The following NSMCE3 variants were observed in gnomAD, a reference collection of about 807,000 sequenced individuals.
NSMCE3 encodes the protein NSE3 component of SMC5/6 complex.
For missense variants in NSMCE3, 452 were observed against 399.5 expected (o/e 1.13, Z -1.12); for synonymous variants, 214 against 172.2 (o/e 1.24, Z -1.90).
In NSMCE3 at chr15:29,269,774, G is replaced by C. The variant is rs572142901; in HGVS notation, c.-69C>G. 75 of 1,373,596 alleles carry C rather than the reference G, an allele frequency of 5.5e-5. No homozygotes were observed. The African/African-American group carries it at 9.7e-4, about 18-fold the overall frequency. The allele number at this position is 1,373,596 out of a possible 1,614,324, so 85.1% of individuals were successfully genotyped here. ...GCCGCGGCGGGGATTGCGGGTCGGC[G>C]ACCCGCTAACGCCGGTGCCTGGAGG... On this transcript the variant is annotated 5_prime_UTR_variant, in exon 1 of 1. Coordinates refer to ENST00000332303, the MANE Select transcript of NSMCE3 (RefSeq NM_138704.4).
In NSMCE3 at chr15:29,268,247, T is replaced by C. The variant is rs1487905911; in HGVS notation, c.*544A>G. ...GTGTTTAGCAGCAGAGCTGAATAAT[T>C]ATGAATATAAACAATTACTATTGGG... On this transcript the variant is annotated 3_prime_UTR_variant, in exon 1 of 1. Coordinates refer to ENST00000332303, the MANE Select transcript of NSMCE3 (RefSeq NM_138704.4). The C allele has an allele frequency of 6.6e-6, 1 of 152,268 alleles. No homozygotes were observed. The highest frequency in any genetic ancestry group is 1.9e-4 in the East Asian group (1 of 5,198). 9.4% of individuals were successfully genotyped at this position (152,268 alleles called of 1,614,324 possible).
In NSMCE3 at chr15:29,268,955, C is replaced by T; in HGVS notation, c.751G>A (p.Gly251Ser). The change falls in exon 1 of 1, where the codon GGC becomes AGC. Residue 251 changes from glycine (G) to serine (S), a missense_variant. Transcript: ENST00000332303. ...TDPVDYEFQW[G>S]PRTNLETSKM... ...CTGGTTTCCAGGTTGGTTCGCGGGC[C>T]CCACTGGAATTCGTAGTCGACGGGG... is the stretch of plus-strand genomic sequence containing the variant. The T allele has an allele frequency of 6.2e-7, 1 of 1,614,182 alleles. No individual in the cohort carries two copies. Among genetic ancestry groups the T allele is most frequent in the Non-Finnish European group, 8.5e-7 (1 of 1,180,044 alleles).
In NSMCE3 at chr15:29,265,145, A is replaced by T. The variant is rs1380690074; in HGVS notation, c.*3646T>A. 2 of 152,240 alleles carry T rather than the reference A, an allele frequency of 1.3e-5. No individual in the cohort carries two copies. The highest frequency in any genetic ancestry group is 4.8e-5 in the African/African-American group (2 of 41,466). 9.4% of individuals were successfully genotyped at this position (152,240 alleles called of 1,614,324 possible). A position where few individuals can be genotyped will look rare whatever the true frequency, so the allele number is the denominator to read the frequency against. On this transcript the variant is annotated 3_prime_UTR_variant, in exon 1 of 1. Transcript: ENST00000332303. The stretch of plus-strand genomic sequence containing the variant: ...CCAATAAAAGGTATTTATAGGGGAA[A>T]AAAACTCTTAACAGCAAACATCACA...
rs767432123 is a variant in NSMCE3 at position 29,269,406 on chromosome 15, G to T, written c.300C>A (p.Asp100Glu). ...SELVQFLLIK[D>E]QKKIPIKRAD... ...CCCGCTTGATCGGAATCTTCTTCTG[G>T]TCTTTAATCAGCAAGAACTGCACCA... The change falls in exon 1 of 1, where the codon GAC becomes GAA. Residue 100 changes from aspartate to glutamate, a missense_variant. By Grantham distance (45) the Asp-to-Glu change is conservative. Transcript: ENST00000332303. 2 of 1,614,152 alleles carry T rather than the reference G, an allele frequency of 1.2e-6. No individual in the cohort carries two copies. The highest frequency in any genetic ancestry group is 1.7e-5 in the Admixed American group (1 of 60,022).
chr15:29,268,817 G>A lies in NSMCE3; in HGVS notation c.889C>T (p.Pro297Ser), dbSNP rs776476342. Reference sequence around the variant, plus strand: ...CAAGAGGATGGAGCTGGGCCACTAGGCTGAGGTCTGGCCCTGTTCTCCTCA... The same window carrying A: ...CAAGAGGATGGAGCTGGGCCACTAGACTGAGGTCTGGCCCTGTTCTCCTCA... Reference protein sequence around the residue: ...ADEENRARPQPSGPAPSS With the variant: ...ADEENRARPQSSGPAPSS Residue 297 changes from proline (P) to serine (S), a missense_variant, in exon 1 of 1, where the codon CCT (proline) becomes TCT (serine). Transcript: ENST00000332303. The A allele has an allele frequency of 5.1e-5, 82 of 1,612,070 alleles. No homozygotes were observed. The highest frequency in any genetic ancestry group is 6.9e-5 in the Non-Finnish European group (81 of 1,178,542).
chr15:29,269,660 C>T lies in NSMCE3; in HGVS notation c.46G>A (p.Glu16Lys). ...CTATGGCTCCAGTCTCTGTCCCTCTCGGCCTGGCCGCCAGAGCGGCCCCGG... is the reference window on the plus strand; with the variant it reads ...CTATGGCTCCAGTCTCTGTCCCTCTTGGCCTGGCCGCCAGAGCGGCCCCGG... Reference protein sequence around the residue: ...RNRGRSGGQAERDRDWSHSGN... With the variant: ...RNRGRSGGQAKRDRDWSHSGN... The change falls in exon 1 of 1, where the codon GAG (glutamate) becomes AAG (lysine). Residue 16 changes from glutamate (E) to lysine (K), a missense_variant. Physicochemically the swap from Glu to Lys is moderately conservative, Grantham distance 56 (BLOSUM62 1). Coordinates refer to ENST00000332303, the MANE Select transcript of NSMCE3 (RefSeq NM_138704.4). 1 of 1,564,042 alleles carries T rather than the reference C, an allele frequency of 6.4e-7. No homozygotes were observed. Among genetic ancestry groups the T allele is most frequent in the Non-Finnish European group, 8.6e-7 (1 of 1,160,486 alleles).
At position 29,268,960 on chromosome 15, in the gene NSMCE3, T is replaced by C; in HGVS notation, c.746A>G (p.Gln249Arg). 1 of 1,614,226 alleles carries C rather than the reference T, an allele frequency of 6.2e-7. No homozygotes were observed. Among genetic ancestry groups the C allele is most frequent in the African/African-American group, 1.3e-5 (1 of 75,058 alleles). The change falls in exon 1 of 1, where the codon CAG becomes CGG. Residue 249 changes from glutamine to arginine, a missense_variant. Coordinates refer to ENST00000332303, the MANE Select transcript of NSMCE3 (RefSeq NM_138704.4). ...PHTDPVDYEF[Q>R]WGPRTNLETS... ...TTCCAGGTTGGTTCGCGGGCCCCAC[T>C]GGAATTCGTAGTCGACGGGGTCGGT...
In NSMCE3 at chr15:29,269,637, A is replaced by G. The variant is rs2043568551; in HGVS notation, c.69T>C (p.His23=). Residue 23 remains histidine (H), a synonymous_variant, in exon 1 of 1, where the codon CAT becomes CAC. Transcript: ENST00000332303. The stretch of plus-strand genomic sequence containing the variant: ...CCCGCGAAGCCCCGGGGTTTCCGCT[A>G]TGGCTCCAGTCTCTGTCCCTCTCGG... The part of the protein sequence containing the change: ...GQAERDRDWS[H]SGNPGASRAG... 6.4e-7 allele frequency: 1 copy of G among 1,574,592 alleles called. No individual in the cohort carries two copies.
rs1444826474 is a variant in NSMCE3 at position 29,268,554 on chromosome 15, T to A, written c.*237A>T. The A allele has an allele frequency of 6.0e-5, 27 of 448,734 alleles. No homozygotes were observed. The highest frequency in any genetic ancestry group is 2.3e-4 in the East Asian group (7 of 30,098). 27.8% of individuals were successfully genotyped at this position (448,734 alleles called of 1,614,324 possible). On this transcript the variant is annotated 3_prime_UTR_variant, in exon 1 of 1. Coordinates refer to ENST00000332303, the MANE Select transcript of NSMCE3 (RefSeq NM_138704.4). The stretch of plus-strand genomic sequence containing the variant: ...AATTCGTTTTACTAAGCTAGCAAAA[T>A]TTTTTATACCAAAAAGAGTAAAATC...
Position 29,269,683 on chromosome 15 carries a change from C to G in NSMCE3, c.23G>C (p.Arg8Pro). MLQKPRN[R>P]GRSGGQAERD... is the part of the protein sequence containing the mutation. ...CTCGGCCTGGCCGCCAGAGCGGCCC[C>G]GGTTCCTCGGTTTTTGCAACATGTC... The change falls in exon 1 of 1, where the codon CGG (arginine) becomes CCG (proline). Residue 8 changes from arginine to proline, a missense_variant. Physicochemically the swap from Arg to Pro is moderately radical, Grantham distance 103. Transcript: ENST00000332303. The G allele has an allele frequency of 2.6e-6, 4 of 1,551,570 alleles. No homozygotes were observed. Among genetic ancestry groups the G allele is most frequent in the East Asian group, 2.6e-5 (1 of 38,120 alleles).
In NSMCE3 at chr15:29,269,436, G is replaced by C. The variant is rs769198016; in HGVS notation, c.270C>G (p.Ser90=). Residue 90 remains serine (S), a synonymous_variant, in exon 1 of 1, where the codon TCC becomes TCG. Transcript: ENST00000332303. ...RSQKQLELKV[S]ELVQFLLIKD... is the part of the protein sequence containing the mutation. ...TAATCAGCAAGAACTGCACCAGCTC[G>C]GACACTTTCAGCTCCAGCTGCTTCT... The C allele has an allele frequency of 1.2e-6, 2 of 1,614,056 alleles. No homozygotes were observed. The highest frequency in any genetic ancestry group is 2.2e-5 in the South Asian group (2 of 91,076).
rs1487925907 is a variant in NSMCE3 at position 29,269,269 on chromosome 15, TCAAGTTC to T, written c.430_436del (p.Glu144AsnfsTer22). 1 of 1,614,124 alleles carries T rather than the reference TCAAGTTC, an allele frequency of 6.2e-7. No individual in the cohort carries two copies. Among genetic ancestry groups the T allele is most frequent in the Admixed American group, 1.7e-5 (1 of 60,022 alleles). On this transcript the variant is annotated frameshift_variant, in exon 1 of 1. Transcript: ENST00000332303. LOFTEE classifies it low-confidence loss of function (END_TRUNC). ...GAGGATGTAAGTGTTGCTCTTGGGT[TCAAGTTC>T]CACCAGCTTATACCCGAAGACGTAC...
rs2043471752 is a variant in NSMCE3 at position 29,266,085 on chromosome 15, T to C, written c.*2706A>G. The C allele has an allele frequency of 6.6e-6, 1 of 152,170 alleles. No homozygotes were observed. Among genetic ancestry groups the C allele is most frequent in the African/African-American group, 2.4e-5 (1 of 41,440 alleles). The allele number at this position is 152,170 out of a possible 1,614,324, so 9.4% of individuals were successfully genotyped here. On this transcript the variant is annotated 3_prime_UTR_variant, in exon 1 of 1. Coordinates refer to ENST00000332303, the MANE Select transcript of NSMCE3 (RefSeq NM_138704.4). ...TGCACTAGATAGATAGAGCAGACCA[T>C]GGATTAACATGTAGAACATATAAAG... is the stretch of plus-strand genomic sequence containing the variant.
Position 29,269,801 on chromosome 15 carries a change from G to A in NSMCE3, c.-96C>T. ...CCCGCTAACGCCGGTGCCTGGAGGC[G>A]CGCGCAGTGTCGGCTGAGACTGCGT... On this transcript the variant is annotated 5_prime_UTR_variant, in exon 1 of 1. Transcript: ENST00000332303. The A allele has an allele frequency of 8.3e-7, 1 of 1,199,134 alleles. No homozygotes were observed. 74.3% of individuals were successfully genotyped at this position (1,199,134 alleles called of 1,614,324 possible). A position where few individuals can be genotyped will look rare whatever the true frequency, so the allele number is the denominator to read the frequency against.
rs1179221051 is a variant in NSMCE3 at position 29,269,773 on chromosome 15, C to A, written c.-68G>T. On this transcript the variant is annotated 5_prime_UTR_variant, in exon 1 of 1. Coordinates refer to ENST00000332303, the MANE Select transcript of NSMCE3 (RefSeq NM_138704.4). Reference sequence around the variant, plus strand: ...AGCCGCGGCGGGGATTGCGGGTCGGCGACCCGCTAACGCCGGTGCCTGGAG... The same window carrying A: ...AGCCGCGGCGGGGATTGCGGGTCGGAGACCCGCTAACGCCGGTGCCTGGAG... 1.2e-5 allele frequency: 17 copies of A among 1,374,080 alleles called. No individual in the cohort carries two copies. The Middle Eastern group carries it at 1.4e-3, about 112-fold the overall frequency. 85.1% of individuals were successfully genotyped at this position (1,374,080 alleles called of 1,614,324 possible).
rs776920583 is a variant in NSMCE3 at position 29,269,098 on chromosome 15, C to A, written c.608G>T (p.Arg203Leu). 6.2e-7 allele frequency: 1 copy of A among 1,614,066 alleles called. No homozygotes were observed. The highest frequency in any genetic ancestry group is 1.7e-5 in the Admixed American group (1 of 60,008). ...CTTGGTGGGGTAGACCCCTAAGCGC[C>A]GCAGAAAGTCCCAGGCTTCAGTTTC... ...IKETEAWDFLRRLGVYPTKKH... is the reference protein window; with the variant it reads ...IKETEAWDFLLRLGVYPTKKH... The change falls in exon 1 of 1, where the codon CGG (arginine) becomes CTG (leucine). Residue 203 changes from arginine (R) to leucine (L), a missense_variant. Coordinates refer to ENST00000332303, the MANE Select transcript of NSMCE3 (RefSeq NM_138704.4).
rs1470799862 is a variant in NSMCE3 at position 29,268,494 on chromosome 15, T to C, written c.*297A>G. On this transcript the variant is annotated 3_prime_UTR_variant, in exon 1 of 1. Transcript: ENST00000332303. The stretch of plus-strand genomic sequence containing the variant: ...AGCAACTTACTTATGTGTTCCTTCT[T>C]GCATTATCTGTTCCAGATCATAGTC... 1 of 356,538 alleles carries C rather than the reference T, an allele frequency of 2.8e-6. No individual in the cohort carries two copies. Among genetic ancestry groups the C allele is most frequent in the East Asian group, 4.4e-5 (1 of 22,974 alleles). 22.1% of individuals were successfully genotyped at this position (356,538 alleles called of 1,614,324 possible).
chr15:29,269,822 T>C lies in NSMCE3; in HGVS notation c.-117A>G. 1 of 990,668 alleles carries C rather than the reference T, an allele frequency of 1.0e-6. No individual in the cohort carries two copies. The allele number at this position is 990,668 out of a possible 1,614,324, so 61.4% of individuals were successfully genotyped here. A position where few individuals can be genotyped will look rare whatever the true frequency, so the allele number is the denominator to read the frequency against. On this transcript the variant is annotated 5_prime_UTR_variant, in exon 1 of 1. Coordinates refer to ENST00000332303, the MANE Select transcript of NSMCE3 (RefSeq NM_138704.4). ...AGGCGCGCGCAGTGTCGGCTGAGAC[T>C]GCGTGCTGCGTCATGAAGCCTGCGC...
At position 29,269,519 on chromosome 15, in the gene NSMCE3, G is replaced by T. The variant is rs750562363; in HGVS notation, c.187C>A (p.Pro63Thr). Residue 63 changes from proline (P) to threonine (T), a missense_variant, in exon 1 of 1, where the codon CCC becomes ACC. Pro to Thr is a conservative substitution (Grantham distance 38). Coordinates refer to ENST00000332303, the MANE Select transcript of NSMCE3 (RefSeq NM_138704.4). ...GPGGSQGSQG[P>T]SPQGARRAQA... The stretch of plus-strand genomic sequence containing the variant: ...GCCCGGCGGGCGCCCTGAGGCGAGG[G>T]GCCCTGCGACCCCTGCGAGCCGCCC... 21 of 1,576,806 alleles carry T rather than the reference G, an allele frequency of 1.3e-5. No homozygotes were observed. Among genetic ancestry groups the T allele is most frequent in the Non-Finnish European group, 1.7e-5 (20 of 1,164,880 alleles).
Sources: allele counts gnomAD v4.1 joint callset, GRCh38; gene constraint gnomAD v4.1.1; transcripts MANE v1.5; gene names NCBI Gene and HGNC (gene_info 2026-07-23, HGNC 2026-07-21).